SAMD13: variants seen among roughly 807,000 people sequenced by gnomAD.
SAMD13 encodes the protein sterile alpha motif domain containing 13.
Under a neutral mutation model 12.4 loss-of-function variants are expected in SAMD13, and 9 were observed. That is an observed-to-expected ratio of 0.72 (90% CI 0.44 to 1.26). The LOEUF (loss-of-function observed/expected upper bound fraction) is 1.26, where lower values mean the gene tolerates loss of function less well. Ranked by LOEUF, SAMD13 falls within the 50% of genes most tolerant of loss-of-function variation. SAMD13 has a pLI of 0.00. For missense variants in SAMD13, 84 were observed against 119.6 expected (o/e 0.70, Z 1.39); for synonymous variants, 46 against 45.4 (o/e 1.01, Z -0.05).
chr1:84,301,344 T>C (rs1471768206), upstream of SAMD13, among the ~76,000 whole-genome samples: 1 of 152,208 alleles, frequency 6.6e-6, no homozygotes, highest in Non-Finnish European at 1.5e-5. Flanking sequence ...CTCTTATTTT[T>C]CCCTCTGGGG....
rs751341849 is a variant in SAMD13 at position 84,349,723 on chromosome 1, A to G, written c.258A>G (p.Glu86=). 6.2e-7 allele frequency: 1 copy of G among 1,613,994 alleles called. No homozygotes were observed. Among genetic ancestry groups the G allele is most frequent in the Non-Finnish European group, 8.5e-7 (1 of 1,179,892 alleles). The change falls in exon 4 of 4, where the codon GAA becomes GAG. Residue 86 remains glutamate, a synonymous_variant. Transcript: ENST00000394834. ...LKLGPALKIY[E]YHVKPLQTKH... ...TGGGGCCTGCTCTGAAAATCTACGAATATCATGTAAAACCTCTGCAGACAA... is the reference window on the plus strand; with the variant it reads ...TGGGGCCTGCTCTGAAAATCTACGAGTATCATGTAAAACCTCTGCAGACAA...
chr1:84,299,248 T>A (rs1678387213), upstream of SAMD13, among the ~76,000 whole-genome samples: 1 of 152,144 alleles, frequency 6.6e-6, no homozygotes, highest in Non-Finnish European at 1.5e-5. Context: ...GGGGGACGAA[T>A]GCTGATCTAG....
In SAMD13 at chr1:84,338,728, G is replaced by A. The variant is rs371559362; in HGVS notation, c.166-10903G>A. On this transcript the variant is annotated intron_variant, in intron 3 of 3. Coordinates refer to ENST00000394834, the MANE Select transcript of SAMD13 (RefSeq NM_001134663.2). ...GCTGGGATTACAGGCATGAGTCACCGTGCCCGGCTGGGAACTCCTCTTTTT... is the reference window on the plus strand; with the variant it reads ...GCTGGGATTACAGGCATGAGTCACCATGCCCGGCTGGGAACTCCTCTTTTT... Among the ~76,000 whole-genome samples, 3 of 152,004 alleles carry A rather than the reference G, an allele frequency of 2.0e-5. 1 individual carries two copies. The South Asian group carries it at 6.2e-4, about 32-fold the overall frequency.
intron 2 of SAMD13, among the ~76,000 whole-genome samples, chr1:84,323,336 A>G (rs891812047): frequency 5.9e-5 from 9 of 152,150 alleles, no homozygotes; most frequent in African/African-American, 1.2e-4. Context: ...AAAAACACAT[A>G]GTTAATATTT....
rs1167138522 is a variant in SAMD13, at chr1:84,343,128, T to TA, written c.166-6500dup. ...AAACTCAACATCACAGATTATTAGG[T>TA]AAATGCAAATCAAAACCACAATGAG... On this transcript the variant is annotated intron_variant, in intron 3 of 3. Transcript: ENST00000394834. Among the ~76,000 whole-genome samples the TA allele has an allele frequency of 3.9e-5, 6 of 152,222 alleles. No homozygotes were observed. The East Asian group carries it at 1.2e-3, about 29-fold the overall frequency.
At chr1:84,321,778 G>A (rs1570242311) in intron 2 of SAMD13, among the ~76,000 whole-genome samples, 3 of 152,258 alleles carry the variant, frequency 2.0e-5, no homozygotes, top group Admixed American at 2.0e-4. Flanking sequence ...ATGTTATCTG[G>A]CTTTGGCCCT....
intron 3 of SAMD13, among the ~76,000 whole-genome samples, chr1:84,339,807 T>TA (rs1389660017): frequency 6.6e-6 from 1 of 152,126 alleles, no homozygotes; most frequent in Non-Finnish European, 1.5e-5. Context: ...AGTTCTCTTC[T>TA]AAGAGAGGAG....
intron 2 of SAMD13, among the ~76,000 whole-genome samples, chr1:84,324,739 C>T (rs1234292116): frequency 6.6e-6 from 1 of 152,102 alleles, no homozygotes. Flanking sequence ...CAAATACTCC[C>T]AACGCAGAAA....
intron 3 of SAMD13, among the ~76,000 whole-genome samples, chr1:84,348,404 C>T (rs776164562): frequency 2.0e-5 from 3 of 152,094 alleles, no homozygotes; most frequent in Non-Finnish European, 2.9e-5. Context: ...TACGTAGTTG[C>T]AGCTACACAC....
intron 3 of SAMD13, among the ~76,000 whole-genome samples, chr1:84,335,293 G>A (rs2101813267): frequency 6.6e-6 from 1 of 152,230 alleles, no homozygotes; most frequent in Non-Finnish European, 1.5e-5. Context: ...TTACCATTGT[G>A]TAATGCACTT....
chr1:84,324,294 C>G (rs960522848), intron 2 of SAMD13, among the ~76,000 whole-genome samples: 5 of 152,176 alleles, frequency 3.3e-5, no homozygotes, highest in African/African-American at 1.2e-4. Flanking sequence ...AATCCAGAAT[C>G]CTCAGTGTGG....
intron 2 of SAMD13, chr1:84,303,507 A>G (rs1678496114): frequency 2.5e-6 from 1 of 405,580 alleles, no homozygotes; most frequent in Non-Finnish European, 4.6e-6. Context: ...TATATATGAA[A>G]GGTTTGTGTA....
At chr1:84,337,619 G>T (rs538457176) in intron 3 of SAMD13, among the ~76,000 whole-genome samples, 1 of 152,304 alleles carries the variant, frequency 6.6e-6, no homozygotes, top group South Asian at 2.1e-4. Context: ...GATGGCAGGA[G>T]CTGCCATGAA....
intron 3 of SAMD13, among the ~76,000 whole-genome samples, chr1:84,338,679 C>G (rs1408956840): frequency 1.3e-5 from 2 of 152,204 alleles, no homozygotes; most frequent in South Asian, 4.1e-4. Context: ...CTCAGGTGAG[C>G]CACCTGCCTC....
At chr1:84,346,926 G>A (rs906261656) in intron 3 of SAMD13, among the ~76,000 whole-genome samples, 8 of 152,162 alleles carry the variant, frequency 5.3e-5, no homozygotes, top group African/African-American at 1.2e-4. Flanking sequence ...GGTGGATTTG[G>A]AATCAGAACA....
intron 3 of SAMD13, among the ~76,000 whole-genome samples, chr1:84,346,081 T>C (rs1679528658): frequency 2.0e-5 from 3 of 152,166 alleles, no homozygotes; most frequent in Non-Finnish European, 2.9e-5. Flanking sequence ...AAAAGTTACC[T>C]CAATAATACT....
rs1553199900 is a variant in SAMD13 at position 84,306,830 on chromosome 1, A to ACAT, written c.53+3543_53+3544insCAT. Among the ~76,000 whole-genome samples the ACAT allele has an allele frequency of 6.4e-3, 924 of 144,480 alleles. 16 individuals are homozygous for ACAT. Among genetic ancestry groups the ACAT allele is most frequent in the African/African-American group, 0.02 (777 of 39,734 alleles). 94.8% of individuals were successfully genotyped at this position (144,480 alleles called of 152,430 possible). Reference sequence around the variant, plus strand: ...TGGGTGACAGTGAGACTCCGTCTCAAAATAATAATAATAATAATAATAATA... The same window carrying ACAT: ...TGGGTGACAGTGAGACTCCGTCTCAACATAATAATAATAATAATAATAATAATA... On this transcript the variant is annotated intron_variant, in intron 2 of 3. Transcript: ENST00000394834.
At chr1:84,299,488 C>G (rs1678393694), upstream of SAMD13, 2 of 609,436 alleles carry the variant, frequency 3.3e-6, no homozygotes, top group Non-Finnish European at 4.8e-6. Context: ...CACCCCCACA[C>G]ACCACATACA....
chr1:84,315,591 A>G (rs562808089), intron 2 of SAMD13, among the ~76,000 whole-genome samples: 95 of 152,232 alleles, frequency 6.2e-4, no homozygotes, highest in African/African-American at 2.2e-3. Flanking sequence ...AAGCCCATCT[A>G]GTACATTTTA....
Sources: gnomAD v4.1 joint callset for allele counts (sites outside exome capture counted in the v4.1 genomes callset) on GRCh38, gnomAD v4.1.1 for gene constraint, MANE v1.5 for transcripts, NCBI Gene and HGNC (gene_info 2026-07-23, HGNC 2026-07-21) for gene names.